The following PRIM2 variants were observed in gnomAD, a reference collection of about 807,000 sequenced individuals.
PRIM2 encodes DNA primase large subunit.
A neutral mutation model predicts 67.3 loss-of-function variants in PRIM2; 39 were observed. That is an observed-to-expected ratio of 0.58 (90% confidence interval 0.45 to 0.76). The LOEUF is 0.76. Among genes scored for constraint, PRIM2 ranks in the 30% least tolerant of loss-of-function variants. The pLI is 0.00. For missense variants in PRIM2, 398 were observed against 598.7 expected (o/e 0.66, Z 3.50); for synonymous variants, 143 against 198.7 (o/e 0.72, Z 2.36).
chr6:57,607,465 A>G (rs1400904829), intron 12 of PRIM2, among the ~76,000 whole-genome samples: 3 of 152,240 alleles, frequency 2.0e-5, no homozygotes, highest in African/African-American at 7.2e-5. Context: ...GAAGAGGTCA[A>G]GGAACCCTTT....
intron 7 of PRIM2, among the ~76,000 whole-genome samples, chr6:57,420,777 G>A (rs1771437255): frequency 6.6e-6 from 1 of 152,194 alleles, no homozygotes; most frequent in African/African-American, 2.4e-5. Flanking sequence ...TATGTTGATA[G>A]TAGGTCTGTT....
intron 12 of PRIM2, among the ~76,000 whole-genome samples, chr6:57,608,278 G>T (rs1164647272): frequency 0.025 from 3,807 of 152,184 alleles, 156 homozygotes; most frequent in African/African-American, 0.086. Context: ...TTGTAGCAGA[G>T]ATTTCTTTTC....
chr6:57,445,524 A>G (rs927962847), intron 7 of PRIM2, among the ~76,000 whole-genome samples: 5 of 152,084 alleles, frequency 3.3e-5, no homozygotes, highest in African/African-American at 7.2e-5. Flanking sequence ...CCTCTAGGCC[A>G]TCTTTGTTCC....
chr6:57,334,800 C>G (rs1374195362), intron 5 of PRIM2, among the ~76,000 whole-genome samples: 1 of 152,112 alleles, frequency 6.6e-6, no homozygotes, highest in African/African-American at 2.4e-5. Flanking sequence ...CAGCATATGC[C>G]TGTATTGTGA....
intron 10 of PRIM2, among the ~76,000 whole-genome samples, chr6:57,581,857 T>G (rs1340543236): frequency 1.3e-5 from 2 of 152,188 alleles, no homozygotes; most frequent in African/African-American, 4.8e-5. Context: ...ATTGAGCAGC[T>G]GCAATTTGCT....
intron 8 of PRIM2, among the ~76,000 whole-genome samples, chr6:57,508,587 G>C (rs1172037782): frequency 1.3e-5 from 2 of 152,092 alleles, no homozygotes; most frequent in Non-Finnish European, 2.9e-5. Flanking sequence ...AAAGATTTAA[G>C]TGTATATGTA....
At chr6:57,290,224 T>G in the PRIM2 span, among the ~76,000 whole-genome samples, 1 of 151,398 alleles carries the variant, frequency 6.6e-6, no homozygotes, top group African/African-American at 2.4e-5. Flanking sequence ...ACTTAGTCTC[T>G]GATAAAACCA....
rs1304299445 is a variant in PRIM2 at position 57,399,901 on chromosome 6, T to C, written c.693+17733T>C. Among the ~76,000 whole-genome samples the C allele has an allele frequency of 2.6e-5, 4 of 152,360 alleles. No individual in the cohort carries two copies. The East Asian group carries it at 7.7e-4, about 29-fold the overall frequency. On this transcript the variant is annotated intron_variant, in intron 7 of 13. Coordinates refer to ENST00000615550, the MANE Select transcript of PRIM2 (RefSeq NM_000947.5). The stretch of plus-strand genomic sequence containing the variant: ...TTTGATGGGGTTGTTTGATTTTTTT[T>C]CTTGTAAATTTGTTTGAGTTCATTG...
At chr6:57,331,044 C>G (rs1768041868) in intron 5 of PRIM2, among the ~76,000 whole-genome samples, 1 of 151,804 alleles carries the variant, frequency 6.6e-6, no homozygotes, top group African/African-American at 2.4e-5. Flanking sequence ...AAAAATTAGC[C>G]AGACGTGGTG....
intron 7 of PRIM2, among the ~76,000 whole-genome samples, chr6:57,443,448 G>A (rs10949065): frequency 0.022 from 3,403 of 152,264 alleles, 58 homozygotes; most frequent in Non-Finnish European, 0.031. Context: ...CATTCTGGCA[G>A]GTGTGAGATG....
At chr6:57,523,300 AAATC>A (rs1485227215) in intron 8 of PRIM2, among the ~76,000 whole-genome samples, 1 of 152,182 alleles carries the variant, frequency 6.6e-6, no homozygotes, top group African/African-American at 2.4e-5. Flanking sequence ...AATCTTTGCA[AAATC>A]ACACAGGTAG....
the PRIM2 span, among the ~76,000 whole-genome samples, chr6:57,252,422 A>C: frequency 6.6e-6 from 1 of 152,134 alleles, no homozygotes; most frequent in African/African-American, 2.4e-5. Flanking sequence ...TAGTCTCTTG[A>C]GTTTCCAAGC....
rs1183245822 is a variant in PRIM2 at position 57,583,353 on chromosome 6, A to G, written c.1021-17740A>G. Among the ~76,000 whole-genome samples, 5 of 106,546 alleles carry G rather than the reference A, an allele frequency of 4.7e-5. No homozygotes were observed. In the Admixed American group the frequency reaches 6.6e-4, roughly 14 times the overall value. 69.9% of individuals were successfully genotyped at this position (106,546 alleles called of 152,430 possible). On this transcript the variant is annotated intron_variant, in intron 10 of 13. Coordinates refer to ENST00000615550, the MANE Select transcript of PRIM2 (RefSeq NM_000947.5). ...CTCCCCCCACCCCACAACAGTCCCC[A>G]GAGTGTGATGTTCCCCTTCCTGTGT...
chr6:57,338,289 A>G (rs1279619020), intron 5 of PRIM2, among the ~76,000 whole-genome samples: 1 of 152,268 alleles, frequency 6.6e-6, no homozygotes. Context: ...ACAAGGAGGA[A>G]CTGGTACCAT....
At chr6:57,546,018 C>G (rs1405315268) in intron 10 of PRIM2, among the ~76,000 whole-genome samples, 1 of 152,106 alleles carries the variant, frequency 6.6e-6, no homozygotes, top group Admixed American at 6.6e-5. Flanking sequence ...TAGGTGCCAA[C>G]CAGGATCCTG....
intron 8 of PRIM2, among the ~76,000 whole-genome samples, chr6:57,519,203 T>G (rs1554348610): frequency 6.6e-6 from 1 of 152,184 alleles, no homozygotes; most frequent in East Asian, 1.9e-4. Flanking sequence ...AGGACCGAGG[T>G]GAAATTAAAA....
intron 7 of PRIM2, among the ~76,000 whole-genome samples, chr6:57,502,686 A>C (rs1774161638): frequency 6.6e-6 from 1 of 152,158 alleles, no homozygotes; most frequent in Non-Finnish European, 1.5e-5. Context: ...GCTTCCGGGC[A>C]GAGGCTACAC....
At chr6:57,516,779 C>T (rs1232866218) in intron 8 of PRIM2, among the ~76,000 whole-genome samples, 1 of 152,172 alleles carries the variant, frequency 6.6e-6, no homozygotes, top group Non-Finnish European at 1.5e-5. Flanking sequence ...GGAACTCTTA[C>T]TGGTTGCCTC....
chr6:57,493,950 T>C (rs1421631342), intron 7 of PRIM2: 1 of 152,164 alleles, frequency 6.6e-6, no homozygotes, highest in Non-Finnish European at 1.5e-5. Context: ...ACTATCAGTG[T>C]GATTGTGCCA....
Sources: gnomAD v4.1 joint callset for allele counts (sites outside exome capture counted in the v4.1 genomes callset) on GRCh38, gnomAD v4.1.1 for gene constraint, MANE v1.5 for transcripts, NCBI Gene and HGNC (gene_info 2026-07-23, HGNC 2026-07-21) for gene names.